The following FAM78B variants were observed in gnomAD, a reference collection of about 807,000 sequenced individuals.
FAM78B encodes the protein family with sequence similarity 78 member B, also known as protein FAM78B.
FAM78B carries 10 observed loss-of-function variants against 20.0 expected under a neutral mutation model. The ratio of observed to expected loss-of-function variants is 0.50; its 90% CI spans 0.31 to 0.85. The LOEUF is 0.85. FAM78B is among the 40% of genes least tolerant of loss of function. The pLI, the probability that FAM78B is intolerant of heterozygous loss-of-function variation, is 0.05. For synonymous variants in FAM78B, 135 were observed against 132.8 expected, an observed-to-expected ratio of 1.02 and a Z score of -0.12; for missense variants, 283 against 345.0, an observed-to-expected ratio of 0.82 and a Z score of 1.42.
At chr1:166,148,793 A>T (rs543919556) in intron 1 of FAM78B, among the ~76,000 whole-genome samples, 1 of 152,366 alleles carries the variant, frequency 6.6e-6, no homozygotes, top group African/African-American at 2.4e-5. Flanking sequence ...ATTCCTGTAG[A>T]CTGTCATCCC....
chr1:166,133,352 C>T (rs772211058), intron 1 of FAM78B, among the ~76,000 whole-genome samples: 12 of 152,096 alleles, frequency 7.9e-5, no homozygotes, highest in East Asian at 1.9e-4. Flanking sequence ...TATTGTGTAA[C>T]TTTAGGTTTA....
chr1:166,092,339 G>A (rs1433282350), intron 1 of FAM78B, among the ~76,000 whole-genome samples: 1 of 152,166 alleles, frequency 6.6e-6, no homozygotes, highest in African/African-American at 2.4e-5. Context: ...TGCCCTATGT[G>A]CAGCCTGCAC....
chr1:166,080,096 A>T (rs549498500), intron 1 of FAM78B, among the ~76,000 whole-genome samples: 26 of 152,342 alleles, frequency 1.7e-4, no homozygotes, highest in African/African-American at 6.3e-4. Context: ...TGAGGGGCAG[A>T]ATCAAACTGT....
intron 1 of FAM78B, among the ~76,000 whole-genome samples, chr1:166,078,924 CAT>C (rs1212365291): frequency 8.6e-6 from 1 of 116,478 alleles, no homozygotes; most frequent in African/African-American, 3.1e-5. Context: ...CCTGGCCTTA[CAT>C]GTTTTTTTTT....
In FAM78B at chr1:166,109,864, A is replaced by G. The variant is rs1235725291; in HGVS notation, c.264-39101T>C. Among the ~76,000 whole-genome samples the G allele has an allele frequency of 3.7e-3, 52 of 14,234 alleles. 3 individuals are homozygous for G. The highest frequency in any genetic ancestry group is 6.8e-3 in the African/African-American group (49 of 7,174). The allele number at this position is 14,234 out of a possible 152,430, so 9.3% of individuals were successfully genotyped here. A position where few individuals can be genotyped will look rare whatever the true frequency, so the allele number is the denominator to read the frequency against. ...TGTATATATATATATATATATATGT[A>G]TGTGTATATATATATATGTATATAT... is the stretch of plus-strand genomic sequence containing the variant. On this transcript the variant is annotated intron_variant, in intron 1 of 1. Transcript: ENST00000354422.
chr1:166,062,837 T>C (rs1651655700), intron 2 of FAM78B, among the ~76,000 whole-genome samples: 1 of 152,244 alleles, frequency 6.6e-6, no homozygotes, highest in Non-Finnish European at 1.5e-5. Flanking sequence ...AATTAACATT[T>C]CATTGGATCA....
intron 1 of FAM78B, among the ~76,000 whole-genome samples, chr1:166,126,963 C>T (rs371894814): frequency 1.0e-3 from 157 of 152,252 alleles, no homozygotes; most frequent in African/African-American, 3.5e-3. Context: ...ACAGTAGGAC[C>T]TAAGACTCAG....
intron 1 of FAM78B, among the ~76,000 whole-genome samples, chr1:166,150,936 T>C (rs1232898033): frequency 6.6e-6 from 1 of 151,860 alleles, no homozygotes; most frequent in Admixed American, 6.6e-5. Flanking sequence ...ATTTAAAAAA[T>C]AAAAAAAATT....
At chr1:166,067,004 G>C (rs1196052556), downstream of FAM78B, among the ~76,000 whole-genome samples, 2 of 152,136 alleles carry the variant, frequency 1.3e-5, no homozygotes, top group Non-Finnish European at 2.9e-5. Flanking sequence ...CACAGATAAA[G>C]GGAATCTGGA....
At chr1:166,083,114 T>G (rs947814243) in intron 1 of FAM78B, among the ~76,000 whole-genome samples, 1 of 152,188 alleles carries the variant, frequency 6.6e-6, no homozygotes, top group Non-Finnish European at 1.5e-5. Context: ...CCTTCTTATT[T>G]TGGAATTCTG....
At chr1:166,109,854 A>ACACATGTATGTG (rs1653949857) in intron 1 of FAM78B, among the ~76,000 whole-genome samples, 1 of 15,690 alleles carries the variant, frequency 6.4e-5, no homozygotes, top group African/African-American at 1.2e-4. Flanking sequence ...ATATATATAT[A>ACACATGTATGTG]TATATATGTA....
intron 1 of FAM78B, among the ~76,000 whole-genome samples, chr1:166,089,059 A>G (rs1652956478): frequency 6.6e-6 from 1 of 152,032 alleles, no homozygotes; most frequent in South Asian, 2.1e-4. Flanking sequence ...CTCGGCAGAC[A>G]CTGTCTGGAA....
intron 1 of FAM78B, among the ~76,000 whole-genome samples, chr1:166,095,570 T>C (rs1237859756): frequency 6.6e-6 from 1 of 152,100 alleles, no homozygotes. Flanking sequence ...ATACTGTTTT[T>C]AATAGGAGCG....
At chr1:166,067,490 G>A (rs553814166), downstream of FAM78B, among the ~76,000 whole-genome samples, 3 of 152,054 alleles carry the variant, frequency 2.0e-5, no homozygotes, top group East Asian at 1.9e-4. Flanking sequence ...GGCATCTGGC[G>A]TCAGGCCCAG....
At chr1:166,156,585 C>T (rs1655904397) in intron 1 of FAM78B, among the ~76,000 whole-genome samples, 1 of 152,166 alleles carries the variant, frequency 6.6e-6, no homozygotes, top group South Asian at 2.1e-4. Flanking sequence ...TAACTGTTGT[C>T]CTACATGTTT....
intron 1 of FAM78B, among the ~76,000 whole-genome samples, chr1:166,151,727 T>C (rs948227237): frequency 6.6e-6 from 1 of 152,218 alleles, no homozygotes; most frequent in Non-Finnish European, 1.5e-5. Flanking sequence ...CACTCAACTG[T>C]TCAACCATTC....
At chr1:166,116,543 A>T (rs1654266026) in intron 1 of FAM78B, among the ~76,000 whole-genome samples, 1 of 152,200 alleles carries the variant, frequency 6.6e-6, no homozygotes, top group Non-Finnish European at 1.5e-5. Flanking sequence ...GTTATGGTTT[A>T]AAATCAAACA....
At chr1:166,057,881 C>T (rs1651410704) in exon 3 of FAM78B, 1 of 151,698 alleles carries the variant, frequency 6.6e-6, no homozygotes, top group African/African-American at 2.4e-5. Flanking sequence ...AGATGGCTGG[C>T]AGCCGGTGAA....
Position 166,166,264 on chromosome 1 carries a change from CG to C in FAM78B, c.-17del. ...TACAGCCCATCCTGCAGCCCGGTGCCGGCACGGCGCGGCGTGGGGCAGCGCG... is the reference window on the plus strand; with the variant it reads ...TACAGCCCATCCTGCAGCCCGGTGCCGCACGGCGCGGCGTGGGGCAGCGCG... On this transcript the variant is annotated 5_prime_UTR_variant, in exon 1 of 2. Coordinates refer to ENST00000354422, the MANE Select transcript of FAM78B (RefSeq NM_001017961.5). 7.3e-7 allele frequency: 1 copy of C among 1,363,486 alleles called. No homozygotes were observed. Among genetic ancestry groups the C allele is most frequent in the Non-Finnish European group, 9.5e-7 (1 of 1,052,610 alleles). 84.5% of individuals were successfully genotyped at this position (1,363,486 alleles called of 1,614,324 possible).
Sources: allele counts gnomAD v4.1 joint callset (sites outside exome capture counted in the v4.1 genomes callset), GRCh38; gene constraint gnomAD v4.1.1; transcripts MANE v1.5; gene names NCBI Gene and HGNC (gene_info 2026-07-23, HGNC 2026-07-21).